Variants in MRTFB observed in about 807,000 individuals in gnomAD.
MRTFB encodes the protein myocardin related transcription factor B.
In MRTFB, 29 loss-of-function variants were observed where a neutral mutation model predicts 104.2. The observed-to-expected ratio is 0.28, with a 90% CI of 0.21 to 0.38. The LOEUF (loss-of-function observed/expected upper bound fraction) is 0.38, where lower values mean the gene tolerates loss of function less well. Ranked by LOEUF, MRTFB falls within the 10% of genes least tolerant of loss-of-function variation. MRTFB has a pLI of 1.00. For missense variants in MRTFB, 1,270 were observed against 1,341.6 expected, an observed-to-expected ratio of 0.95 and a Z score of 0.83; for synonymous variants, 535 against 519.5, an observed-to-expected ratio of 1.03 and a Z score of -0.41.
At chr16:14,154,752 A>G (rs988090388) in intron 3 of MRTFB, among the ~76,000 whole-genome samples, 3 of 152,168 alleles carry the variant, frequency 2.0e-5, no homozygotes, top group East Asian at 1.9e-4. Flanking sequence ...GTCCAAGCTT[A>G]CTTACTTTGC....
the MRTFB span, among the ~76,000 whole-genome samples, chr16:14,003,885 G>C: frequency 1.3e-5 from 2 of 152,160 alleles, no homozygotes; most frequent in Non-Finnish European, 2.9e-5. Flanking sequence ...ACTAGCTCCA[G>C]CCAACTGGTG....
chr16:14,076,129 T>C (rs1245470396), intron 1 of MRTFB, among the ~76,000 whole-genome samples: 5 of 152,274 alleles, frequency 3.3e-5, no homozygotes, highest in Admixed American at 1.3e-4. Flanking sequence ...TCCTTGCTTT[T>C]TTTTTAAAGT....
chr16:14,102,156 T>TAAA (rs1031744137), intron 2 of MRTFB, among the ~76,000 whole-genome samples: 3 of 146,100 alleles, frequency 2.1e-5, no homozygotes, highest in South Asian at 2.2e-4. Flanking sequence ...TGAGTCTTTT[T>TAAA]AAAAAAAAAA....
intron 4 of MRTFB, among the ~76,000 whole-genome samples, chr16:14,212,077 G>C (rs1480460058): frequency 6.6e-6 from 1 of 152,206 alleles, no homozygotes; most frequent in Non-Finnish European, 1.5e-5. Context: ...CGGCAATGGA[G>C]ATTTGCTATG....
At chr16:14,002,244 A>G in the MRTFB span, among the ~76,000 whole-genome samples, 1 of 152,016 alleles carries the variant, frequency 6.6e-6, no homozygotes, top group Non-Finnish European at 1.5e-5. Flanking sequence ...TTAATTGGCC[A>G]AAGTTGGGGG....
At chr16:14,038,328 A>G in the MRTFB span, among the ~76,000 whole-genome samples, 5 of 152,156 alleles carry the variant, frequency 3.3e-5, no homozygotes, top group African/African-American at 1.2e-4. Context: ...CACCAAATAT[A>G]CTCACATTCT....
intron 8 of MRTFB, among the ~76,000 whole-genome samples, chr16:14,223,410 C>G (rs547480802): frequency 6.6e-6 from 1 of 151,892 alleles, no homozygotes; most frequent in Non-Finnish European, 1.5e-5. Context: ...CCCTACTGGA[C>G]AAAGACTTTA....
At chr16:14,133,697 T>C (rs1248703801) in intron 2 of MRTFB, among the ~76,000 whole-genome samples, 1 of 152,198 alleles carries the variant, frequency 6.6e-6, no homozygotes, top group East Asian at 1.9e-4. Flanking sequence ...AAAATATTTG[T>C]TTACTCTGTT....
At chr16:14,029,461 T>C in the MRTFB span, among the ~76,000 whole-genome samples, 65 of 89,554 alleles carry the variant, frequency 7.3e-4, no homozygotes, top group African/African-American at 1.5e-3. Flanking sequence ...CACACACACA[T>C]ATATATAAAC....
chr16:14,090,291 A>G (rs2034975718), intron 2 of MRTFB, among the ~76,000 whole-genome samples: 1 of 152,254 alleles, frequency 6.6e-6, no homozygotes, highest in African/African-American at 2.4e-5. Flanking sequence ...GGTATTAAAC[A>G]TCTTTTGTGT....
At chr16:14,260,444 AT>A (rs1185089862) in intron 16 of MRTFB, among the ~76,000 whole-genome samples, 1 of 152,184 alleles carries the variant, frequency 6.6e-6, no homozygotes, top group Non-Finnish European at 1.5e-5. Context: ...CAGGATGTAC[AT>A]TTCAACATTT....
chr16:14,057,224 A>G, the MRTFB span, among the ~76,000 whole-genome samples: 1 of 152,160 alleles, frequency 6.6e-6, no homozygotes, highest in Non-Finnish European at 1.5e-5. Context: ...TTGAGATGGG[A>G]ATGCAAATTT....
rs375824514 is a variant in MRTFB, at chr16:14,130,134, T to C, written c.-63-10410T>C. Among the ~76,000 whole-genome samples, 57 of 152,310 alleles carry C rather than the reference T, an allele frequency of 3.7e-4. No homozygotes were observed. The East Asian group carries it at 0.011, about 28-fold the overall frequency. Reference sequence around the variant, plus strand: ...GTGTGAGCCATCGCATCCAGCCTAATGAAATGTTTATTCAAATCCTTTGCC... The same window carrying C: ...GTGTGAGCCATCGCATCCAGCCTAACGAAATGTTTATTCAAATCCTTTGCC... On this transcript the variant is annotated intron_variant, in intron 2 of 16. Coordinates refer to ENST00000571589, the MANE Select transcript of MRTFB (RefSeq NM_001308142.2).
At chr16:13,995,785 C>A in the MRTFB span, among the ~76,000 whole-genome samples, 1 of 151,962 alleles carries the variant, frequency 6.6e-6, no homozygotes, top group Non-Finnish European at 1.5e-5. Context: ...TACTTTTAAC[C>A]AACTAGATCT....
chr16:14,084,560 A>C (rs879885928), intron 2 of MRTFB, among the ~76,000 whole-genome samples: 4 of 152,152 alleles, frequency 2.6e-5, no homozygotes, highest in Non-Finnish European at 4.4e-5. Context: ...AAAAAGATAA[A>C]TAAAGAAGCT....
At chr16:14,067,038 C>A (rs1019547252), upstream of MRTFB, among the ~76,000 whole-genome samples, 1 of 152,026 alleles carries the variant, frequency 6.6e-6, no homozygotes, top group Admixed American at 6.6e-5. Context: ...TATGCCCACC[C>A]CTTCCCCATG....
In MRTFB at chr16:14,177,903, G is replaced by GGTGTGTGTGTGT. The variant is rs142062484; in HGVS notation, c.155-32318_155-32307dup. Among the ~76,000 whole-genome samples, 84 of 146,074 alleles carry GGTGTGTGTGTGT rather than the reference G, an allele frequency of 5.8e-4. No homozygotes were observed. The highest frequency in any genetic ancestry group is 2.6e-3 in the East Asian group (13 of 5,006). On this transcript the variant is annotated intron_variant, in intron 3 of 16. Coordinates refer to ENST00000571589, the MANE Select transcript of MRTFB (RefSeq NM_001308142.2). This position sits in a 1 kb window ranked among gnomAD's most constrained non-coding sequence, Gnocchi z 4.7. The stretch of plus-strand genomic sequence containing the variant: ...CGAGAAGTACATGAACCAGAGGTAG[G>GGTGTGTGTGTGT]GTGTGTGTGTGTGTGTGTGTGTGTG...
At chr16:14,121,509 T>TA (rs1299376041) in intron 2 of MRTFB, among the ~76,000 whole-genome samples, 1 of 152,198 alleles carries the variant, frequency 6.6e-6, no homozygotes, top group Non-Finnish European at 1.5e-5. Flanking sequence ...ATTGAGTTAG[T>TA]AAAAATTAAA....
At chr16:14,133,636 G>A (rs2037555737) in intron 2 of MRTFB, among the ~76,000 whole-genome samples, 1 of 151,088 alleles carries the variant, frequency 6.6e-6, no homozygotes, top group Non-Finnish European at 1.5e-5. Context: ...TTTTCTCCTT[G>A]CCTTAGAGAA....
Sources: gnomAD v4.1 joint callset for allele counts (sites outside exome capture counted in the v4.1 genomes callset) on GRCh38, gnomAD v4.1.1 for gene constraint, Gnocchi (gnomAD v3.1) non-coding constraint, MANE v1.5 for transcripts, NCBI Gene and HGNC (gene_info 2026-07-23, HGNC 2026-07-21) for gene names.